The following ANKRD30BL variants were observed in gnomAD, a reference collection of about 807,000 sequenced individuals.
The protein encoded by ANKRD30BL is putative ankyrin repeat domain-containing protein 30B-like.
In ANKRD30BL, 20 loss-of-function variants were observed where a neutral mutation model predicts 18.4. That is an observed-to-expected ratio of 1.09 (90% CI 0.77 to 1.58). ANKRD30BL has a LOEUF of 1.58. ANKRD30BL is among the 40% of genes most tolerant of loss of function. The pLI is 0.00. For synonymous variants in ANKRD30BL, 72 were observed against 100.9 expected, an observed-to-expected ratio of 0.71 and a Z score of 1.72; for missense variants, 224 against 268.6, an observed-to-expected ratio of 0.83 and a Z score of 1.16.
At chr2:132,220,314 C>CCCTCTCCCTG (rs1679639104) in intron 1 of ANKRD30BL, among the ~76,000 whole-genome samples, 1 of 118,708 alleles carries the variant, frequency 8.4e-6, no homozygotes, top group Non-Finnish European at 1.7e-5. Flanking sequence ...CCCTCTCCCT[C>CCCTCTCCCTG]TCCCTCTCCC....
intron 1 of ANKRD30BL, among the ~76,000 whole-genome samples, chr2:132,238,162 G>T (rs1680212733): frequency 6.6e-6 from 1 of 152,096 alleles, no homozygotes; most frequent in South Asian, 2.1e-4. Context: ...AGAATTCTCA[G>T]AAACTTCTTT....
intron 1 of ANKRD30BL, among the ~76,000 whole-genome samples, chr2:132,178,380 T>A (rs896197110): frequency 7.2e-5 from 11 of 152,224 alleles, no homozygotes; most frequent in African/African-American, 1.7e-4. Flanking sequence ...TGGAATTTTT[T>A]AATTTAAATG....
chr2:132,180,874 G>A (rs1405045224), intron 1 of ANKRD30BL, among the ~76,000 whole-genome samples: 2 of 152,234 alleles, frequency 1.3e-5, no homozygotes, highest in South Asian at 2.1e-4. Flanking sequence ...TAGTCCAGGC[G>A]AGGTGGCTTA....
chr2:132,257,377 T>G (rs1345111985), intron 1 of ANKRD30BL, among the ~76,000 whole-genome samples: 1 of 152,082 alleles, frequency 6.6e-6, no homozygotes, highest in Non-Finnish European at 1.5e-5. Flanking sequence ...CAGCCACCGC[T>G]CACGCAGCCT....
At chr2:132,156,004 G>T (rs1265986473) in intron 3 of ANKRD30BL, 1 of 151,780 alleles carries the variant, frequency 6.6e-6, no homozygotes, top group Non-Finnish European at 1.5e-5. Flanking sequence ...TTCTTAAAAT[G>T]CAATAATCCA....
At chr2:132,232,170 CA>C (rs1680040353) in intron 1 of ANKRD30BL, among the ~76,000 whole-genome samples, 1 of 152,188 alleles carries the variant, frequency 6.6e-6, no homozygotes, top group Non-Finnish European at 1.5e-5. Context: ...ACATCCACAA[CA>C]AAAACCCATC....
intron 1 of ANKRD30BL, among the ~76,000 whole-genome samples, chr2:132,241,772 G>C (rs796782819): frequency 7.0e-6 from 1 of 143,782 alleles, no homozygotes; most frequent in African/African-American, 2.5e-5. Flanking sequence ...CTTTTGATAC[G>C]CAAGTTTTGA....
intron 1 of ANKRD30BL, among the ~76,000 whole-genome samples, chr2:132,207,811 T>C (rs1340656585): frequency 6.6e-6 from 1 of 152,108 alleles, no homozygotes; most frequent in Non-Finnish European, 1.5e-5. Context: ...TGTTCATTAA[T>C]TGGTCCCTTG....
rs1688065790 is a variant in ANKRD30BL, at chr2:132,161,647, G to C, written c.59C>G (p.Pro20Arg). The C allele has an allele frequency of 1.4e-6, 2 of 1,453,206 alleles. No homozygotes were observed. The highest frequency in any genetic ancestry group is 4.9e-5 in the East Asian group (2 of 40,414). The allele number at this position is 1,453,206 out of a possible 1,614,324, so 90.0% of individuals were successfully genotyped here. A position where few individuals can be genotyped will look rare whatever the true frequency, so the allele number is the denominator to read the frequency against. Residue 20 changes from proline (P) to arginine (R), a missense_variant, in exon 1 of 6, where the codon CCC (proline) becomes CGC (arginine). Pro to Arg is a moderately radical substitution (Grantham distance 103, BLOSUM62 -2). This residue lies in a region of ANKRD30BL where 131 missense variants were observed against 128.8 expected (regional missense o/e 1.02). Transcript: ENST00000409867. ...KGQTGPERPSPFSQLVYTNND... is the reference protein window; with the variant it reads ...KGQTGPERPSRFSQLVYTNND... ...GTTGGTGTAGACCAGCTGACTGAAG[G>C]GGCTCGGGCGCTCTGGGCCCGTCTG...
At chr2:132,211,152 A>G (rs1484629488) in intron 1 of ANKRD30BL, among the ~76,000 whole-genome samples, 1 of 151,872 alleles carries the variant, frequency 6.6e-6, no homozygotes, top group East Asian at 1.9e-4. Flanking sequence ...GCTGCTTTCA[A>G]ATATTCTTTT....
At chr2:132,220,952 G>A (rs1219312613) in intron 1 of ANKRD30BL, among the ~76,000 whole-genome samples, 3 of 151,570 alleles carry the variant, frequency 2.0e-5, no homozygotes, top group Admixed American at 2.0e-4. Flanking sequence ...CATCTAGGAA[G>A]TGAGGAGCGT....
At chr2:132,210,638 AAG>A (rs1444853841) in intron 1 of ANKRD30BL, among the ~76,000 whole-genome samples, 1 of 151,672 alleles carries the variant, frequency 6.6e-6, no homozygotes, top group Non-Finnish European at 1.5e-5. Context: ...AGCAGATTTG[AAG>A]CACACTTTTT....
At chr2:132,217,336 C>A (rs551276097) in intron 1 of ANKRD30BL, among the ~76,000 whole-genome samples, 11 of 152,052 alleles carry the variant, frequency 7.2e-5, no homozygotes, top group Middle Eastern at 6.8e-3. Context: ...CAGAATTGAA[C>A]CTTTCTTTTG....
At chr2:132,222,310 C>T (rs897476422) in intron 1 of ANKRD30BL, among the ~76,000 whole-genome samples, 9 of 151,934 alleles carry the variant, frequency 5.9e-5, no homozygotes, top group African/African-American at 1.2e-4. Flanking sequence ...CCCCTCTGCC[C>T]GGCCATGACC....
intron 1 of ANKRD30BL, among the ~76,000 whole-genome samples, chr2:132,224,125 G>A (rs376290928): frequency 4.6e-5 from 7 of 151,972 alleles, no homozygotes; most frequent in Admixed American, 6.6e-5. Context: ...CGTTGGAAGC[G>A]GGAAGATATT....
intron 1 of ANKRD30BL, among the ~76,000 whole-genome samples, chr2:132,211,038 G>A (rs13397822): frequency 0.039 from 5,835 of 149,218 alleles, 392 homozygotes; most frequent in African/African-American, 0.13. Flanking sequence ...AGCCTATGGT[G>A]GAAAAGGAAA....
chr2:132,149,071 GT>G (rs1179187435), intron 5 of ANKRD30BL, among the ~76,000 whole-genome samples: 7 of 140,108 alleles, frequency 5.0e-5, no homozygotes, highest in African/African-American at 1.6e-4. Flanking sequence ...TGTATTCCAT[GT>G]TGGTCTCCTG....
intron 1 of ANKRD30BL, among the ~76,000 whole-genome samples, chr2:132,215,760 G>C (rs1573851639): frequency 6.6e-6 from 1 of 152,182 alleles, no homozygotes; most frequent in East Asian, 1.9e-4. Context: ...TCATCTCAGA[G>C]AGTTGAACCT....
At chr2:132,256,551 G>A (rs1201891088) in intron 1 of ANKRD30BL, among the ~76,000 whole-genome samples, 1 of 152,230 alleles carries the variant, frequency 6.6e-6, no homozygotes, top group African/African-American at 2.4e-5. Flanking sequence ...ACCGCCAGTG[G>A]CCTCGGGGCA....
Sources: allele counts gnomAD v4.1 joint callset (sites outside exome capture counted in the v4.1 genomes callset), GRCh38; gene constraint gnomAD v4.1.1; regional missense constraint gnomAD v4.1.1; transcripts MANE v1.5; gene names NCBI Gene and HGNC (gene_info 2026-07-23, HGNC 2026-07-21).